Variants in NRG1 observed in about 807,000 individuals in gnomAD.
NRG1 encodes neuregulin 1, also known as pro-neuregulin-1, membrane-bound isoform.
A neutral mutation model predicts 63.8 loss-of-function variants in NRG1; 18 were observed. The ratio of observed to expected loss-of-function variants is 0.28; its 90% CI spans 0.19 to 0.42. The LOEUF (loss-of-function observed/expected upper bound fraction) is 0.42, where lower values mean the gene tolerates loss of function less well. Among genes scored for constraint, NRG1 ranks in the 10% least tolerant of loss-of-function variants. NRG1 has a pLI of 1.00. For synonymous variants in NRG1, 302 were observed against 301.3 expected, an observed-to-expected ratio of 1.00 and a Z score of -0.02; for missense variants, 762 against 814.7, an observed-to-expected ratio of 0.94 and a Z score of 0.79.
chr8:32,201,405 A>G (rs1479253652), intron 1 of NRG1, among the ~76,000 whole-genome samples: 1 of 152,178 alleles, frequency 6.6e-6, no homozygotes, highest in Non-Finnish European at 1.5e-5. Flanking sequence ...CCTCTCTCTT[A>G]TGAGAAATAT....
intron 1 of NRG1, among the ~76,000 whole-genome samples, chr8:31,801,625 C>T (rs775622482): frequency 1.2e-4 from 18 of 152,098 alleles, no homozygotes; most frequent in Non-Finnish European, 2.5e-4. Flanking sequence ...CTTGTAGTCT[C>T]CAAACCAATC....
intron 1 of NRG1, among the ~76,000 whole-genome samples, chr8:32,339,383 C>T (rs536914814): frequency 9.2e-5 from 14 of 152,124 alleles, no homozygotes; most frequent in Admixed American, 2.0e-4. Flanking sequence ...TAATAACTAA[C>T]GAGAATAAGC....
Position 31,925,722 on chromosome 8 carries a change from T to A in NRG1, c.37+286291T>A, listed in dbSNP as rs879481840. The stretch of plus-strand genomic sequence containing the variant: ...TTCTTATTAATTAATCTTCTTCTTC[T>A]GTGTCAATTCTGCTATGAAGCCCGT... On this transcript the variant is annotated intron_variant, in intron 1 of 10. Transcript: ENST00000519301. 7.2e-3 allele frequency among the ~76,000 whole-genome samples: 1,046 copies of A among 144,778 alleles called. 7 individuals are homozygous for A. The highest frequency in any genetic ancestry group is 0.012 in the Non-Finnish European group (756 of 64,972). The allele number at this position is 144,778 out of a possible 152,430, so 95.0% of individuals were successfully genotyped here.
chr8:31,867,087 A>ACCTCTTCTTTTTTT (rs1467903601), intron 1 of NRG1, among the ~76,000 whole-genome samples: 1 of 152,160 alleles, frequency 6.6e-6, no homozygotes, highest in Non-Finnish European at 1.5e-5. Context: ...CTAGCCTTTT[A>ACCTCTTCTTTTTTT]CCTCTTCTTT....
chr8:32,689,914 T>C (rs1256218040), intron 5 of NRG1, among the ~76,000 whole-genome samples: 1 of 152,202 alleles, frequency 6.6e-6, no homozygotes, highest in Non-Finnish European at 1.5e-5. Context: ...GCTTCTGTTC[T>C]AATCCTAATT....
chr8:32,722,289 A>G (rs1463577993), intron 5 of NRG1, among the ~76,000 whole-genome samples: 2 of 152,188 alleles, frequency 1.3e-5, no homozygotes, highest in Non-Finnish European at 2.9e-5. Flanking sequence ...CTAATTGTCA[A>G]AGAAGAATAG....
chr8:31,979,436 T>C (rs1808720877), intron 1 of NRG1, among the ~76,000 whole-genome samples: 2 of 152,136 alleles, frequency 1.3e-5, no homozygotes, highest in African/African-American at 4.8e-5. Context: ...GTCCCTGTCT[T>C]GTCTGCCTCG....
chr8:32,556,499 C>A (rs1269650102), intron 1 of NRG1, among the ~76,000 whole-genome samples: 2 of 152,090 alleles, frequency 1.3e-5, no homozygotes, highest in African/African-American at 4.8e-5. Flanking sequence ...ATCTTAACCA[C>A]CATTATTTCT....
Position 32,764,082 on chromosome 8 carries a change from CAA to C in NRG1, c.1595_1596del (p.Gln532ArgfsTer4), listed in dbSNP as rs1396075519. On this transcript the variant is annotated frameshift_variant, in exon 12 of 12. Transcript: ENST00000356819. LOFTEE classifies it high-confidence loss of function. ...AACGACCCAAGAGTACGAGCCAGCCCAAGAGCCTGTTAAGAAACTCGCCAATA... is the reference window on the plus strand; with the variant it reads ...AACGACCCAAGAGTACGAGCCAGCCCGAGCCTGTTAAGAAACTCGCCAATA... The C allele has an allele frequency of 6.2e-7, 1 of 1,613,918 alleles. No individual in the cohort carries two copies. Among genetic ancestry groups the C allele is most frequent in the Non-Finnish European group, 8.5e-7 (1 of 1,180,006 alleles).
chr8:32,695,255 C>T (rs1288354311), intron 5 of NRG1, among the ~76,000 whole-genome samples: 3 of 151,870 alleles, frequency 2.0e-5, no homozygotes, highest in African/African-American at 7.3e-5. Flanking sequence ...GCAGAAGAAT[C>T]GCTTGGACCT....
chr8:32,231,124 C>CAAAGG (rs917649536), intron 1 of NRG1, among the ~76,000 whole-genome samples: 4 of 151,240 alleles, frequency 2.6e-5, no homozygotes, highest in Admixed American at 2.0e-4. Context: ...TCAGAAGAAG[C>CAAAGG]AAAGGAAAGG....
At chr8:32,622,913 T>C (rs751369918) in intron 5 of NRG1, among the ~76,000 whole-genome samples, 12 of 152,180 alleles carry the variant, frequency 7.9e-5, no homozygotes, top group Non-Finnish European at 1.3e-4. Context: ...CGTTGGAAAA[T>C]GCCCTTATTG....
intron 1 of NRG1, among the ~76,000 whole-genome samples, chr8:31,833,042 A>G (rs1428436970): frequency 6.6e-6 from 1 of 152,122 alleles, no homozygotes; most frequent in Non-Finnish European, 1.5e-5. Context: ...CGAGAACCCC[A>G]GTGCCACTTA....
At chr8:32,475,755 A>G (rs1005672807) in intron 1 of NRG1, among the ~76,000 whole-genome samples, 1 of 152,178 alleles carries the variant, frequency 6.6e-6, no homozygotes, top group African/African-American at 2.4e-5. Flanking sequence ...AGTGTGGCAG[A>G]GGGAAAAGAA....
chr8:31,839,552 G>A (rs1563466438), intron 1 of NRG1, among the ~76,000 whole-genome samples: 1 of 152,026 alleles, frequency 6.6e-6, no homozygotes, highest in Non-Finnish European at 1.5e-5. Context: ...TATGAGTCAA[G>A]GGTATCCTTT....
rs140288783 is a variant in NRG1 at position 31,809,000 on chromosome 8, C to T, written c.37+169569C>T. 3.1e-3 allele frequency among the ~76,000 whole-genome samples: 470 copies of T among 152,058 alleles called. 3 individuals carry two copies. Among genetic ancestry groups the T allele is most frequent in the Admixed American group, 8.3e-3 (127 of 15,264 alleles). Reference sequence around the variant, plus strand: ...AGTTATATATCTGAAAATATCTTTGCTCTTACATTTGGTTAATACTTTGGC... The same window carrying T: ...AGTTATATATCTGAAAATATCTTTGTTCTTACATTTGGTTAATACTTTGGC... On this transcript the variant is annotated intron_variant, in intron 1 of 10. Coordinates refer to the NRG1 transcript ENST00000519301.
intron 1 of NRG1, among the ~76,000 whole-genome samples, chr8:31,969,641 A>C (rs573096559): frequency 6.6e-6 from 1 of 152,242 alleles, no homozygotes. Flanking sequence ...TGCTACCTAG[A>C]TGCATGTCCT....
At chr8:31,991,322 TCTC>T (rs144624894) in intron 1 of NRG1, among the ~76,000 whole-genome samples, 3,217 of 151,864 alleles carry the variant, frequency 0.021, 103 homozygotes, top group African/African-American at 0.074. Context: ...TTCTTCTTCT[TCTC>T]TTTTTCTCTT....
intron 1 of NRG1, among the ~76,000 whole-genome samples, chr8:31,753,628 T>C (rs1336148412): frequency 6.6e-6 from 1 of 152,144 alleles, no homozygotes; most frequent in Non-Finnish European, 1.5e-5. Flanking sequence ...CAGACACTGC[T>C]GTTTTAATTA....
Sources: gnomAD v4.1 joint callset for allele counts (sites outside exome capture counted in the v4.1 genomes callset) on GRCh38, gnomAD v4.1.1 for gene constraint, MANE v1.5 for transcripts, NCBI Gene and HGNC (gene_info 2026-07-23, HGNC 2026-07-21) for gene names.